The following PPP1R9A variants were observed in gnomAD, a reference collection of about 807,000 sequenced individuals.
The protein encoded by PPP1R9A is protein phosphatase 1 regulatory subunit 9A.
Under a neutral mutation model 141.9 loss-of-function variants are expected in PPP1R9A, and 59 were observed. The observed-to-expected ratio is 0.42, with a 90% CI of 0.34 to 0.52. PPP1R9A has a LOEUF of 0.52. PPP1R9A is among the 20% of genes least tolerant of loss of function. The pLI is 0.10. For missense variants in PPP1R9A, 1,444 were observed against 1,611.9 expected (o/e 0.90, Z 1.78); for synonymous variants, 500 against 569.7 (o/e 0.88, Z 1.74).
chr7:94,984,622 G>A (rs1015596569), intron 2 of PPP1R9A, among the ~76,000 whole-genome samples: 4 of 152,064 alleles, frequency 2.6e-5, no homozygotes, highest in Admixed American at 2.0e-4. Flanking sequence ...TTTGCATAGA[G>A]GTGTTTATAG....
rs558294972 is a variant in PPP1R9A at position 95,288,851 on chromosome 7, T to C, written c.3912+133T>C. 1.8e-5 allele frequency: 21 copies of C among 1,190,618 alleles called. No individual in the cohort carries two copies. The African/African-American group carries it at 2.9e-4, about 17-fold the overall frequency. 73.8% of individuals were successfully genotyped at this position (1,190,618 alleles called of 1,614,324 possible). On this transcript the variant is annotated intron_variant, in intron 19 of 19. Coordinates refer to ENST00000433360, the MANE Select transcript of PPP1R9A (RefSeq NM_001166160.2). ...TCTCATCAATATTCAGCAGAAAGGA[T>C]GTTGAATTCTTTCTGAGTAGTAAAT...
intron 2 of PPP1R9A, among the ~76,000 whole-genome samples, chr7:95,017,117 T>C (rs1468578214): frequency 6.6e-6 from 1 of 152,138 alleles, no homozygotes; most frequent in Admixed American, 6.6e-5. Context: ...GGAAGAATTT[T>C]TTCCTAGAGG....
intron 5 of PPP1R9A, among the ~76,000 whole-genome samples, chr7:95,179,644 C>T (rs1050844216): frequency 6.6e-6 from 1 of 152,020 alleles, no homozygotes; most frequent in African/African-American, 2.4e-5. Context: ...CCAGAAAACT[C>T]CTAGAACTGA....
chr7:95,023,449 G>A (rs887723828), intron 2 of PPP1R9A, among the ~76,000 whole-genome samples: 2 of 151,856 alleles, frequency 1.3e-5, no homozygotes, highest in Non-Finnish European at 2.9e-5. Context: ...TGATTTTTTT[G>A]AATGGTTTTT....
intron 4 of PPP1R9A, among the ~76,000 whole-genome samples, chr7:95,154,526 AT>A (rs35927611): frequency 6.6e-6 from 1 of 152,090 alleles, no homozygotes; most frequent in Non-Finnish European, 1.5e-5. Flanking sequence ...TTTAAGAAGA[AT>A]TTTTTCCCTA....
chr7:95,217,449 T>C (rs751849436), intron 7 of PPP1R9A, among the ~76,000 whole-genome samples: 8 of 152,212 alleles, frequency 5.3e-5, no homozygotes, highest in Non-Finnish European at 1.2e-4. Flanking sequence ...GTTGTGTCTC[T>C]GCCAGGCTTT....
At chr7:95,037,721 G>A (rs151293063) in intron 2 of PPP1R9A, among the ~76,000 whole-genome samples, 5 of 152,088 alleles carry the variant, frequency 3.3e-5, no homozygotes, top group East Asian at 1.9e-4. Context: ...GTGTGTGTGC[G>A]TGCACACACG....
rs1371461546 is a variant in PPP1R9A, at chr7:94,968,164, A to G, written c.1395+56656A>G. ...GCATTGATCCCTATACCATTATGTA[A>G]TGCCCTTCTTTGTCTCTTTTTTTTT... On this transcript the variant is annotated intron_variant, in intron 2 of 19. Coordinates refer to ENST00000433360, the MANE Select transcript of PPP1R9A (RefSeq NM_001166160.2). Among the ~76,000 whole-genome samples the G allele has an allele frequency of 3.3e-5, 5 of 151,338 alleles. No homozygotes were observed. In the South Asian group the frequency reaches 1.0e-3, roughly 32 times the overall value.
At chr7:94,920,574 A>C (rs995928260) in intron 2 of PPP1R9A, among the ~76,000 whole-genome samples, 3 of 152,208 alleles carry the variant, frequency 2.0e-5, no homozygotes, top group African/African-American at 7.2e-5. Flanking sequence ...CCAAGTATTT[A>C]TGGATAATGG....
intron 7 of PPP1R9A, among the ~76,000 whole-genome samples, chr7:95,218,201 A>G (rs998819841): frequency 3.9e-5 from 6 of 152,184 alleles, no homozygotes; most frequent in Admixed American, 6.5e-5. Flanking sequence ...GAACATCATT[A>G]TTTCTGCCTT....
chr7:95,275,403 CAAAA>C (rs10708689), intron 16 of PPP1R9A, among the ~76,000 whole-genome samples: 4 of 96,918 alleles, frequency 4.1e-5, no homozygotes. Context: ...GACTCCGTCT[CAAAA>C]AAAAAAAAAA....
chr7:94,964,835 T>C (rs1798026105), intron 2 of PPP1R9A, among the ~76,000 whole-genome samples: 1 of 152,196 alleles, frequency 6.6e-6, no homozygotes, highest in Non-Finnish European at 1.5e-5. Flanking sequence ...TTTGAGTATA[T>C]ACCCAGTAAT....
chr7:95,172,950 G>A (rs540727434), intron 5 of PPP1R9A, among the ~76,000 whole-genome samples: 24 of 151,730 alleles, frequency 1.6e-4, no homozygotes, highest in Non-Finnish European at 3.2e-4. Context: ...AGGTAATTCC[G>A]TGGAGGAAAT....
chr7:94,990,222 G>A (rs780758225), intron 2 of PPP1R9A, among the ~76,000 whole-genome samples: 1 of 152,124 alleles, frequency 6.6e-6, no homozygotes, highest in Non-Finnish European at 1.5e-5. Flanking sequence ...AGGGCATAAA[G>A]ATAAATGCAT....
chr7:95,008,278 C>T (rs1392912495), intron 2 of PPP1R9A, among the ~76,000 whole-genome samples: 1 of 152,048 alleles, frequency 6.6e-6, no homozygotes, highest in Admixed American at 6.5e-5. Flanking sequence ...TTATCTGATT[C>T]ATAAAAGGGG....
At chr7:95,192,232 A>G (rs1364851078) in intron 5 of PPP1R9A, among the ~76,000 whole-genome samples, 1 of 151,942 alleles carries the variant, frequency 6.6e-6, no homozygotes, top group African/African-American at 2.4e-5. Context: ...TCATCATTTC[A>G]TCGTGTTTAT....
intron 5 of PPP1R9A, among the ~76,000 whole-genome samples, chr7:95,182,880 C>G (rs1253826157): frequency 6.6e-6 from 1 of 152,156 alleles, no homozygotes; most frequent in Non-Finnish European, 1.5e-5. Context: ...GAGGCATTTT[C>G]TGGTGTCACT....
At chr7:94,963,092 T>G (rs780812217) in intron 2 of PPP1R9A, among the ~76,000 whole-genome samples, 42 of 152,122 alleles carry the variant, frequency 2.8e-4, no homozygotes, top group Non-Finnish European at 4.0e-4. Context: ...GGCATTTGGG[T>G]TTATGAAACC....
chr7:95,127,507 C>CTTT (rs113436552), intron 4 of PPP1R9A, among the ~76,000 whole-genome samples: 1 of 145,776 alleles, frequency 6.9e-6, no homozygotes, highest in East Asian at 2.0e-4. Context: ...TTTTTTCTTT[C>CTTT]TTTTTTTTTT....
Sources: gnomAD v4.1 joint callset for allele counts (sites outside exome capture counted in the v4.1 genomes callset) on GRCh38, gnomAD v4.1.1 for gene constraint, MANE v1.5 for transcripts, NCBI Gene and HGNC (gene_info 2026-07-23, HGNC 2026-07-21) for gene names.